The following TAF4B variants were observed in gnomAD, a reference collection of about 807,000 sequenced individuals.
TAF4B encodes the protein transcription initiation factor TFIID subunit 4B.
In TAF4B, 38 loss-of-function variants were observed where a neutral mutation model predicts 86.4. The ratio of observed to expected loss-of-function variants is 0.44; its 90% CI spans 0.34 to 0.58. The LOEUF (loss-of-function observed/expected upper bound fraction) is 0.58. TAF4B is among the 20% of genes least tolerant of loss of function. The pLI, the probability that TAF4B is intolerant of heterozygous loss-of-function variation, is 0.02. For synonymous variants in TAF4B, 388 were observed against 391.2 expected (o/e 0.99, Z 0.10); for missense variants, 988 against 1,027.6 (o/e 0.96, Z 0.53).
intron 1 of TAF4B, among the ~76,000 whole-genome samples, chr18:26,260,398 G>A (rs1261852080): frequency 2.0e-5 from 3 of 152,090 alleles, no homozygotes; most frequent in Admixed American, 6.5e-5. Context: ...TTTCTTCTAG[G>A]GTTTTTCTGG....
At chr18:26,249,697 T>G (rs2055976115) in intron 1 of TAF4B, among the ~76,000 whole-genome samples, 1 of 152,238 alleles carries the variant, frequency 6.6e-6, no homozygotes, top group Admixed American at 6.5e-5. Context: ...GGTGACAATT[T>G]TCTATATTGT....
At chr18:26,315,656 A>G (rs1250293807) in intron 10 of TAF4B, among the ~76,000 whole-genome samples, 1 of 152,182 alleles carries the variant, frequency 6.6e-6, no homozygotes, top group African/African-American at 2.4e-5. Flanking sequence ...TTGCATGAAT[A>G]TATAATATAC....
chr18:26,256,633 A>G (rs1270506770), intron 1 of TAF4B, among the ~76,000 whole-genome samples: 1 of 152,068 alleles, frequency 6.6e-6, no homozygotes, highest in Admixed American at 6.6e-5. Flanking sequence ...CCTTTTTAAG[A>G]CAGGCATTTA....
intron 6 of TAF4B, among the ~76,000 whole-genome samples, chr18:26,285,019 G>A (rs2056493177): frequency 1.3e-5 from 2 of 149,572 alleles, no homozygotes; most frequent in South Asian, 4.3e-4. Context: ...CCAGGCTGGG[G>A]TGTAGTGGTG....
At chr18:26,282,140 G>T in intron 6 of TAF4B, 80 bp downstream of exon 6, 1 of 1,167,742 alleles carries the variant, frequency 8.6e-7, no homozygotes, top group South Asian at 1.3e-5. Flanking sequence ...ATTTCAATAT[G>T]ACAGCAATTG....
At chr18:26,334,320 T>C (rs148841630) in intron 12 of TAF4B, among the ~76,000 whole-genome samples, 1 of 152,336 alleles carries the variant, frequency 6.6e-6, no homozygotes, top group African/African-American at 2.4e-5. Flanking sequence ...GAAAATACTT[T>C]TAGCTTTTAT....
chr18:26,361,222 C>G (rs1331507637), intron 14 of TAF4B, among the ~76,000 whole-genome samples: 1 of 151,900 alleles, frequency 6.6e-6, no homozygotes, highest in Non-Finnish European at 1.5e-5. Context: ...TGTGCCAGCC[C>G]CTAGTAACCA....
chr18:26,302,014 C>T (rs150553895), intron 9 of TAF4B, among the ~76,000 whole-genome samples: 19 of 152,294 alleles, frequency 1.2e-4, no homozygotes, highest in Middle Eastern at 3.4e-3. Flanking sequence ...GACCTGGCTC[C>T]CTCGGCAGCT....
At chr18:26,377,538 A>G (rs747154935) in intron 14 of TAF4B, among the ~76,000 whole-genome samples, 1 of 152,200 alleles carries the variant, frequency 6.6e-6, no homozygotes, top group Non-Finnish European at 1.5e-5. Flanking sequence ...AACAAGTTTA[A>G]ATATTAAAAC....
chr18:26,256,010 T>G, intron 1 of TAF4B: 2 of 1,269,610 alleles, frequency 1.6e-6, no homozygotes, highest in Non-Finnish European at 2.3e-6. Flanking sequence ...AGAATTACGA[T>G]GTTTAAATTC....
intron 9 of TAF4B, among the ~76,000 whole-genome samples, chr18:26,300,836 G>T (rs1353947402): frequency 4.0e-5 from 6 of 151,486 alleles, no homozygotes; most frequent in Admixed American, 3.3e-4. Flanking sequence ...CGTAGAGTGG[G>T]TATTAAAATC....
At chr18:26,384,897 T>A (rs1978317046) in intron 14 of TAF4B, among the ~76,000 whole-genome samples, 2 of 152,060 alleles carry the variant, frequency 1.3e-5, no homozygotes, top group Non-Finnish European at 2.9e-5. Flanking sequence ...AGACAACGAG[T>A]GTTTGCCACC....
chr18:26,299,466 C>T lies in TAF4B; in HGVS notation c.1832+5935C>T, dbSNP rs79787954. The stretch of plus-strand genomic sequence containing the variant: ...AGGGTTTTGTGTTGATATTCATGAG[C>T]GATTTGGTCTATAGTTTTTTGTTCT... On this transcript the variant is annotated intron_variant, in intron 9 of 14. Coordinates refer to ENST00000269142, the MANE Select transcript of TAF4B (RefSeq NM_005640.3). Among the ~76,000 whole-genome samples the T allele has an allele frequency of 9.9e-3, 1,506 of 151,882 alleles. 12 individuals carry two copies. Among genetic ancestry groups the T allele is most frequent in the African/African-American group, 0.034 (1,400 of 41,402 alleles).
chr18:26,339,732 T>TG (rs1295278476), intron 13 of TAF4B, among the ~76,000 whole-genome samples: 1 of 152,260 alleles, frequency 6.6e-6, no homozygotes, highest in Non-Finnish European at 1.5e-5. Context: ...GTGTGTTATG[T>TG]GTCCTAGATT....
At chr18:26,291,029 AT>A (rs1568131758) in intron 7 of TAF4B, among the ~76,000 whole-genome samples, 1 of 152,024 alleles carries the variant, frequency 6.6e-6, no homozygotes, top group African/African-American at 2.4e-5. Flanking sequence ...TCTAACTAAC[AT>A]TTCTTCTCTA....
At chr18:26,268,896 C>T (rs2056277000) in intron 3 of TAF4B, among the ~76,000 whole-genome samples, 1 of 152,128 alleles carries the variant, frequency 6.6e-6, no homozygotes, top group South Asian at 2.1e-4. Flanking sequence ...AATCTTGGCT[C>T]ACTGCAACCC....
intron 1 of TAF4B, chr18:26,255,606 A>AAAAAC (rs2056072113): frequency 1.5e-6 from 1 of 666,412 alleles, no homozygotes; most frequent in African/African-American, 1.9e-5. Flanking sequence ...CTGTCTCCAA[A>AAAAAC]AAAAAAAAAA....
At chr18:26,291,993 T>G (rs1306951035) in intron 7 of TAF4B, among the ~76,000 whole-genome samples, 1 of 152,232 alleles carries the variant, frequency 6.6e-6, no homozygotes, top group Non-Finnish European at 1.5e-5. Context: ...AAATCGGATT[T>G]ATAGGGAGAT....
At chr18:26,239,916 C>A (rs1437998603) in intron 1 of TAF4B, among the ~76,000 whole-genome samples, 1 of 152,160 alleles carries the variant, frequency 6.6e-6, no homozygotes, top group Non-Finnish European at 1.5e-5. Flanking sequence ...GGTACTATTT[C>A]TGAGGGCTCT....
Sources: gnomAD v4.1 joint callset for allele counts (sites outside exome capture counted in the v4.1 genomes callset) on GRCh38, gnomAD v4.1.1 for gene constraint, MANE v1.5 for transcripts, NCBI Gene and HGNC (gene_info 2026-07-23, HGNC 2026-07-21) for gene names.